PDILT: variants seen among roughly 807,000 people sequenced by gnomAD.
The protein encoded by PDILT is protein disulfide-isomerase-like protein of the testis.
PDILT carries 43 observed loss-of-function variants against 53.7 expected under a neutral mutation model. The ratio of observed to expected loss-of-function variants is 0.80; its 90% confidence interval spans 0.63 to 1.03. The LOEUF (loss-of-function observed/expected upper bound fraction) is 1.03. Among genes scored for constraint, PDILT ranks in the 50% least tolerant of loss-of-function variants. The pLI is 0.00. For synonymous variants in PDILT, 282 were observed against 274.2 expected, an observed-to-expected ratio of 1.03 and a Z score of -0.28; for missense variants, 727 against 712.3, an observed-to-expected ratio of 1.02 and a Z score of -0.24.
intron 4 of PDILT, among the ~76,000 whole-genome samples, chr16:20,375,660 G>A (rs1047952911): frequency 3.3e-5 from 5 of 152,022 alleles, no homozygotes; most frequent in South Asian, 4.2e-4. Flanking sequence ...GTGTATTTTC[G>A]AATGAGTGCA....
intron 4 of PDILT, among the ~76,000 whole-genome samples, chr16:20,375,734 C>T (rs966055760): frequency 1.3e-5 from 2 of 151,328 alleles, no homozygotes; most frequent in Non-Finnish European, 2.9e-5. Flanking sequence ...GGGAGAGAAA[C>T]TGGCCTGGCC....
intron 9 of PDILT, among the ~76,000 whole-genome samples, chr16:20,364,251 G>T (rs1966157199): frequency 6.6e-6 from 1 of 152,230 alleles, no homozygotes; most frequent in Admixed American, 6.5e-5. Context: ...GCTGCATCTA[G>T]CCTCTCATTG....
chr16:20,374,927 A>G lies in PDILT; in HGVS notation c.576T>C (p.Tyr192=). The change falls in exon 5 of 12, where the codon TAT becomes TAC. Residue 192 remains tyrosine, a synonymous_variant. Transcript: ENST00000302451. ...DLEEEVAELF[Y]DVIKDFPELT... ...GCTCTGGAAAGTCTTTGATCACATC[A>G]TAGAACAACTCTGCTACTTCTTCCT... The G allele has an allele frequency of 6.2e-7, 1 of 1,613,438 alleles. No homozygotes were observed. The highest frequency in any genetic ancestry group is 8.5e-7 in the Non-Finnish European group (1 of 1,179,626).
At chr16:20,370,069 G>T (rs1373524716) in intron 7 of PDILT, among the ~76,000 whole-genome samples, 1 of 152,198 alleles carries the variant, frequency 6.6e-6, no homozygotes, top group African/African-American at 2.4e-5. Flanking sequence ...GGTAGAAAGT[G>T]TTCAATACAT....
rs775294775 is a variant in PDILT at position 20,362,390 on chromosome 16, C to A, written c.1416+14G>T. On this transcript the variant is annotated intron_variant, in intron 10 of 11. Transcript: ENST00000302451. ...ACATTGTTTTCAGCCATGTGCGTCC[C>A]AAGAGCCCCTCACTTGTTGAGAGCC... is the stretch of plus-strand genomic sequence containing the variant. The A allele has an allele frequency of 1.9e-6, 3 of 1,613,044 alleles. No individual in the cohort carries two copies. The South Asian group carries it at 3.3e-5, about 18-fold the overall frequency.
In PDILT at chr16:20,365,459, C is replaced by A; in HGVS notation, c.1198G>T (p.Val400Phe). The A allele has an allele frequency of 1.2e-6, 2 of 1,614,014 alleles. No homozygotes were observed. The highest frequency in any genetic ancestry group is 1.7e-6 in the Non-Finnish European group (2 of 1,179,872). The change falls in exon 9 of 12, where the codon GTC (valine) becomes TTC (phenylalanine). Residue 400 changes from valine (V) to phenylalanine (F), a missense_variant. Val to Phe is a conservative substitution (Grantham distance 50). Transcript: ENST00000302451. ...ACGTCCTTTTCTTTGTCAAAGACGA[C>A]TACGTTGAAGTTCTTCCCCACGAGC... ...KQLVGKNFNV[V>F]VFDKEKDVFV... is the part of the protein sequence containing the mutation.
intron 2 of PDILT, among the ~76,000 whole-genome samples, chr16:20,387,217 A>AATATGT (rs1966551267): frequency 6.6e-6 from 1 of 152,232 alleles, no homozygotes. Flanking sequence ...AACAAAGTAA[A>AATATGT]ATATGTGCTG....
chr16:20,392,733 G>A (rs1227307053), intron 2 of PDILT, among the ~76,000 whole-genome samples: 2 of 152,202 alleles, frequency 1.3e-5, no homozygotes, highest in Non-Finnish European at 2.9e-5. Context: ...ATACCTGCTA[G>A]TGGAAAGGCT....
Position 20,362,562 on chromosome 16 carries a change from A to C in PDILT, c.1258T>G (p.Cys420Gly), listed in dbSNP as rs1182520195. 1.9e-6 allele frequency: 3 copies of C among 1,613,994 alleles called. No homozygotes were observed. Among genetic ancestry groups the C allele is most frequent in the African/African-American group, 1.3e-5 (1 of 74,892 alleles). The change falls in exon 10 of 12, where the codon TGC becomes GGC. Residue 420 changes from cysteine to glycine, a missense_variant. Physicochemically the swap from Cys to Gly is radical, Grantham distance 159 (BLOSUM62 -3). Transcript: ENST00000302451. Reference sequence around the variant, plus strand: ...TCCAACAGTGGGAACAGCATCTTGCACTTTTTAGACCAGGGTGCATCTGGA... The same window carrying C: ...TCCAACAGTGGGAACAGCATCTTGCCCTTTTTAGACCAGGGTGCATCTGGA... ...VMFYAPWSKK[C>G]KMLFPLLEEL...
chr16:20,373,161 T>C, intron 5 of PDILT, 39 bp from the exon 6 acceptor site: 1 of 1,501,300 alleles, frequency 6.7e-7, no homozygotes, highest in South Asian at 1.1e-5. Flanking sequence ...GACAGTAGCT[T>C]TCATGATATA....
At chr16:20,370,324 C>G (rs1468940286) in intron 7 of PDILT, among the ~76,000 whole-genome samples, 1 of 152,148 alleles carries the variant, frequency 6.6e-6, no homozygotes, top group Non-Finnish European at 1.5e-5. Flanking sequence ...CAAAGCCAAA[C>G]AGCAATGAGT....
intron 2 of PDILT, among the ~76,000 whole-genome samples, chr16:20,386,842 C>A (rs770267035): frequency 1.3e-5 from 2 of 152,166 alleles, no homozygotes; most frequent in Non-Finnish European, 2.9e-5. Flanking sequence ...GACATAGAAT[C>A]CGAATCTGAG....
rs1024976994 is a variant in PDILT at position 20,361,445 on chromosome 16, C to T, written c.1417-788G>A. On this transcript the variant is annotated intron_variant, in intron 10 of 11. Transcript: ENST00000302451. Reference sequence around the variant, plus strand: ...TGATCCAACTGCCTCAGGCTCCCAACGTAATGAGATTACACGCGTTGAGAC... The same window carrying T: ...TGATCCAACTGCCTCAGGCTCCCAATGTAATGAGATTACACGCGTTGAGAC... 2.6e-5 allele frequency among the ~76,000 whole-genome samples: 4 copies of T among 152,184 alleles called. No individual in the cohort carries two copies. In the East Asian group the frequency reaches 7.7e-4, roughly 29 times the overall value.
intron 1 of PDILT, among the ~76,000 whole-genome samples, chr16:20,401,077 G>C (rs572897495): frequency 1.3e-5 from 2 of 152,244 alleles, no homozygotes; most frequent in Admixed American, 1.3e-4. Context: ...ACCAACAAAG[G>C]GCAAGTGGAG....
intron 2 of PDILT, 81 bp from the exon 3 acceptor site, chr16:20,384,932 T>C (rs1966514054): frequency 3.6e-6 from 5 of 1,384,018 alleles, no homozygotes; most frequent in Non-Finnish European, 1.0e-6. Context: ...TGGGCCTGCT[T>C]AGCTCCCGGA....
intron 4 of PDILT, 83 bp from the exon 5 acceptor site, chr16:20,375,042 T>C: frequency 1.4e-6 from 2 of 1,428,496 alleles, no homozygotes; most frequent in Non-Finnish European, 1.9e-6. Flanking sequence ...CAGTGGTGGC[T>C]GATTCGTCTC....
Position 20,359,183 on chromosome 16 carries a change from G to C in PDILT, c.*136C>G. The C allele has an allele frequency of 7.2e-7, 1 of 1,395,438 alleles. No individual in the cohort carries two copies. The highest frequency in any genetic ancestry group is 9.6e-7 in the Non-Finnish European group (1 of 1,036,388). 86.4% of individuals were successfully genotyped at this position (1,395,438 alleles called of 1,614,324 possible). On this transcript the variant is annotated 3_prime_UTR_variant, in exon 12 of 12. Transcript: ENST00000302451. ...AGTAAAACAGAGCCAAGGACACTCA[G>C]AGGCTTTATTATCCACCCCTACCCC...
chr16:20,399,712 C>T (rs1156976021), intron 1 of PDILT, among the ~76,000 whole-genome samples: 1 of 140,784 alleles, frequency 7.1e-6, no homozygotes, highest in Non-Finnish European at 1.5e-5. Context: ...AATCCCCCTG[C>T]CTACAATGCC....
intron 4 of PDILT, 48 bp from the exon 5 acceptor site, chr16:20,375,007 C>T: frequency 6.4e-7 from 1 of 1,559,108 alleles, no homozygotes; most frequent in Non-Finnish European, 8.7e-7. Context: ...AATCAAGGTG[C>T]CTGGTTTATA....
Sources: gnomAD v4.1 joint callset for allele counts (sites outside exome capture counted in the v4.1 genomes callset) on GRCh38, gnomAD v4.1.1 for gene constraint, MANE v1.5 for transcripts, NCBI Gene and HGNC (gene_info 2026-07-23, HGNC 2026-07-21) for gene names.